ADARB2: variants seen among roughly 807,000 people sequenced by gnomAD.
ADARB2 encodes adenosine deaminase RNA specific B2 (inactive).
A neutral mutation model predicts 62.2 loss-of-function variants in ADARB2; 25 were observed. That is an observed-to-expected ratio of 0.40 (90% CI 0.29 to 0.56). ADARB2 has a LOEUF of 0.56. Ranked by LOEUF, ADARB2 falls within the 20% of genes least tolerant of loss-of-function variation. The probability of loss-of-function intolerance (pLI) is 0.43; values close to 1 mark genes in which losing one functional copy is unlikely to be tolerated. For missense variants in ADARB2, 1,071 were observed against 1,077.4 expected, an observed-to-expected ratio of 0.99 and a Z score of 0.08; for synonymous variants, 572 against 500.8, an observed-to-expected ratio of 1.14 and a Z score of -1.90.
intron 3 of ADARB2, among the ~76,000 whole-genome samples, chr10:1,350,376 C>G (rs544162935): frequency 2.0e-5 from 3 of 152,148 alleles, no homozygotes; most frequent in Non-Finnish European, 2.9e-5. Context: ...CTGACCCCTC[C>G]GCTCCTCCCC....
At chr10:1,326,120 C>T (rs1718809606) in intron 3 of ADARB2, among the ~76,000 whole-genome samples, 1 of 152,218 alleles carries the variant, frequency 6.6e-6, no homozygotes, top group Admixed American at 6.5e-5. Context: ...ACCATTCCCC[C>T]CATACTTGGT....
intron 1 of ADARB2, among the ~76,000 whole-genome samples, chr10:1,400,662 G>A (rs1013106790): frequency 2.0e-5 from 3 of 152,210 alleles, no homozygotes; most frequent in African/African-American, 7.2e-5. Context: ...CTCTGGGTGG[G>A]GACAACGCAG....
intron 1 of ADARB2, among the ~76,000 whole-genome samples, chr10:1,501,873 T>G (rs1564309719): frequency 6.6e-6 from 1 of 152,200 alleles, no homozygotes; most frequent in Non-Finnish European, 1.5e-5. Context: ...ACAAAGCCAT[T>G]TGATTCATTA....
intron 6 of ADARB2, among the ~76,000 whole-genome samples, chr10:1,220,667 T>C (rs956630266): frequency 1.3e-5 from 2 of 152,192 alleles, no homozygotes; most frequent in African/African-American, 2.4e-5. Flanking sequence ...TGTCCCTCCA[T>C]TTCTGTTATA....
intron 1 of ADARB2, among the ~76,000 whole-genome samples, chr10:1,537,603 A>T (rs1832349985): frequency 6.6e-6 from 1 of 152,268 alleles, no homozygotes; most frequent in Non-Finnish European, 1.5e-5. Context: ...AAAACATGGC[A>T]TATATACAGC....
At chr10:1,349,150 C>T (rs972925704) in intron 3 of ADARB2, among the ~76,000 whole-genome samples, 1 of 152,312 alleles carries the variant, frequency 6.6e-6, no homozygotes. Flanking sequence ...CCTGCCTTAA[C>T]TGATGATGAC....
intron 3 of ADARB2, among the ~76,000 whole-genome samples, chr10:1,275,402 C>T (rs1228688237): frequency 6.6e-6 from 1 of 152,240 alleles, no homozygotes; most frequent in Non-Finnish European, 1.5e-5. Context: ...ACATTCAGTC[C>T]TGCAGGGCGG....
At chr10:1,687,418 A>G (rs1834611272) in intron 1 of ADARB2, among the ~76,000 whole-genome samples, 1 of 152,026 alleles carries the variant, frequency 6.6e-6, no homozygotes, top group South Asian at 2.1e-4. Flanking sequence ...TCTCGTAAAT[A>G]TGGCCACTAT....
intron 1 of ADARB2, among the ~76,000 whole-genome samples, chr10:1,429,517 A>C (rs1335917844): frequency 6.6e-6 from 1 of 152,192 alleles, no homozygotes; most frequent in African/African-American, 2.4e-5. Context: ...CCCAACCCAC[A>C]TGGATGCTGC....
Position 1,181,947 on chromosome 10 carries a change from T to G in ADARB2, c.*1246A>C, listed in dbSNP as rs72760988. 22,896 of 152,302 alleles carry G rather than the reference T, an allele frequency of 0.15. 2,086 individuals carry two copies. The highest frequency in any genetic ancestry group is 0.2 in the Non-Finnish European group (13,849 of 68,012). 9.4% of individuals were successfully genotyped at this position (152,302 alleles called of 1,614,324 possible). ...GCGCCTTGGCTCTCAGGGATGATGCTGTGGGCTAAAGCCCCCATGTCCCAT... is the reference window on the plus strand; with the variant it reads ...GCGCCTTGGCTCTCAGGGATGATGCGGTGGGCTAAAGCCCCCATGTCCCAT... On this transcript the variant is annotated 3_prime_UTR_variant, in exon 10 of 10. Transcript: ENST00000381312.
In ADARB2 at chr10:1,183,244, G is replaced by A. The variant is rs1836704864; in HGVS notation, c.2169C>T (p.Gly723=). The A allele has an allele frequency of 6.2e-7, 1 of 1,613,878 alleles. No homozygotes were observed. Among genetic ancestry groups the A allele is most frequent in the Admixed American group, 1.7e-5 (1 of 60,016 alleles). The stretch of plus-strand genomic sequence containing the variant: ...GCTCCGGTGGTTTCCTCACCCAGGT[G>A]CCCAGGCCAGCCTTCTGAAAGGCCT... ...LFKAFQKAGL[G]TWVRKPPEQQ... The change falls in exon 10 of 10, where the codon GGC becomes GGT. Residue 723 remains glycine (G), a synonymous_variant. Transcript: ENST00000381312.
In ADARB2 at chr10:1,255,030, A is replaced by T. The variant is rs1831068096; in HGVS notation, c.1193-12731T>A. Among the ~76,000 whole-genome samples the T allele has an allele frequency of 1.3e-5, 2 of 152,212 alleles. No individual in the cohort carries two copies. The highest frequency in any genetic ancestry group is 6.5e-5 in the Admixed American group (1 of 15,276). On this transcript the variant is annotated intron_variant, in intron 4 of 9. Transcript: ENST00000381312. This position sits in a 1 kb window ranked among gnomAD's most constrained non-coding sequence, Gnocchi z 4.7. ...TAAGCACAGTAATCACATACTCATT[A>T]ATTTCCTTATAAAATGCTCCCAGAG...
intron 4 of ADARB2, among the ~76,000 whole-genome samples, chr10:1,243,160 CCAT>C (rs1830943992): frequency 6.6e-6 from 1 of 152,218 alleles, no homozygotes; most frequent in Admixed American, 6.5e-5. Context: ...AATAACAAAT[CCAT>C]CATCCAGGCC....
intron 1 of ADARB2, among the ~76,000 whole-genome samples, chr10:1,559,742 G>A (rs1832762341): frequency 1.3e-5 from 2 of 152,230 alleles, no homozygotes; most frequent in South Asian, 4.1e-4. Flanking sequence ...CACATTTTAA[G>A]AAATTTCATA....
At chr10:1,200,179 C>T in intron 7 of ADARB2, 32 bp from the exon 8 acceptor site, 5 of 1,550,380 alleles carry the variant, frequency 3.2e-6, no homozygotes, top group Non-Finnish European at 4.4e-6. Flanking sequence ...AGCGGAGCCC[C>T]ACCCAGGAGC....
intron 1 of ADARB2, among the ~76,000 whole-genome samples, chr10:1,576,453 G>C (rs1223554454): frequency 1.3e-5 from 2 of 152,174 alleles, no homozygotes; most frequent in Non-Finnish European, 2.9e-5. Context: ...GGCTCTCCCT[G>C]CTGGACTTCC....
intron 1 of ADARB2, among the ~76,000 whole-genome samples, chr10:1,421,936 A>G (rs1832855555): frequency 6.6e-6 from 1 of 152,222 alleles, no homozygotes; most frequent in Non-Finnish European, 1.5e-5. Flanking sequence ...TTTCCATCTC[A>G]GGTTATTTGA....
At chr10:1,349,798 C>T (rs935616385) in intron 3 of ADARB2, among the ~76,000 whole-genome samples, 37 of 152,216 alleles carry the variant, frequency 2.4e-4, no homozygotes, top group Admixed American at 2.3e-3. Context: ...TTTATGGGGA[C>T]GCCTCTCTGA....
chr10:1,616,244 T>C (rs1392345885), intron 1 of ADARB2, among the ~76,000 whole-genome samples: 1 of 152,236 alleles, frequency 6.6e-6, no homozygotes, highest in Non-Finnish European at 1.5e-5. Flanking sequence ...ATTGAAATCA[T>C]CATTCAAAAC....
Sources: gnomAD v4.1 joint callset for allele counts (sites outside exome capture counted in the v4.1 genomes callset) on GRCh38, gnomAD v4.1.1 for gene constraint, Gnocchi (gnomAD v3.1) non-coding constraint, MANE v1.5 for transcripts, NCBI Gene and HGNC (gene_info 2026-07-23, HGNC 2026-07-21) for gene names.